Variants in MAP2 observed in about 807,000 individuals in gnomAD.
MAP2 encodes the protein microtubule associated protein 2.
MAP2 carries 14 observed loss-of-function variants against 137.6 expected under a neutral mutation model. The ratio of observed to expected loss-of-function variants is 0.10; its 90% CI spans 0.07 to 0.16. The LOEUF (loss-of-function observed/expected upper bound fraction) is 0.16, where lower values mean the gene tolerates loss of function less well. MAP2 is among the 10% of genes least tolerant of loss of function. The pLI is 1.00. For synonymous variants in MAP2, 786 were observed against 782.3 expected (o/e 1.00, Z -0.08); for missense variants, 2,088 against 2,191.5 (o/e 0.95, Z 0.94).
intron 1 of MAP2, among the ~76,000 whole-genome samples, chr2:209,481,800 A>G (rs1046192951): frequency 2.0e-5 from 3 of 152,116 alleles, no homozygotes; most frequent in African/African-American, 4.8e-5. Context: ...TAGAATTTGG[A>G]TATGTTTTAT....
At chr2:209,502,088 T>G (rs1441327200) in intron 1 of MAP2, among the ~76,000 whole-genome samples, 1 of 152,212 alleles carries the variant, frequency 6.6e-6, no homozygotes, top group African/African-American at 2.4e-5. Context: ...CACACACTTA[T>G]TGTTTTAAAA....
chr2:209,454,471 G>A (rs1441192596), intron 1 of MAP2, among the ~76,000 whole-genome samples: 1 of 151,968 alleles, frequency 6.6e-6, no homozygotes, highest in Non-Finnish European at 1.5e-5. Context: ...GAGTAGCTGG[G>A]ATTAGAGGCA....
chr2:209,517,600 C>A (rs2150350868), intron 2 of MAP2, among the ~76,000 whole-genome samples: 1 of 151,990 alleles, frequency 6.6e-6, no homozygotes, highest in East Asian at 1.9e-4. Context: ...GTAAAGCCCA[C>A]ATTATTGTAG....
At chr2:209,632,298 A>G (rs191797888) in intron 4 of MAP2, among the ~76,000 whole-genome samples, 2 of 152,276 alleles carry the variant, frequency 1.3e-5, no homozygotes, top group Admixed American at 6.5e-5. Flanking sequence ...GCCATGGAGA[A>G]GAGAATAATG....
chr2:209,587,876 G>A (rs917693141), intron 3 of MAP2, among the ~76,000 whole-genome samples: 3 of 152,236 alleles, frequency 2.0e-5, no homozygotes, highest in African/African-American at 7.2e-5. Flanking sequence ...CAGCCAAATA[G>A]GCATGAGCAA....
intron 1 of MAP2, among the ~76,000 whole-genome samples, chr2:209,456,230 T>C (rs1220364331): frequency 6.6e-6 from 1 of 152,190 alleles, no homozygotes; most frequent in African/African-American, 2.4e-5. Flanking sequence ...TTCCAGTGCA[T>C]CCTTAGGAAT....
chr2:209,690,200 T>TTCAGTACA (rs2058437383), intron 7 of MAP2, among the ~76,000 whole-genome samples: 1 of 152,174 alleles, frequency 6.6e-6, no homozygotes, highest in African/African-American at 2.4e-5. Flanking sequence ...GCTTTTTTTT[T>TTCAGTACA]TCAGTACATC....
intron 3 of MAP2, among the ~76,000 whole-genome samples, chr2:209,595,844 C>G (rs553877638): frequency 6.6e-6 from 1 of 152,282 alleles, no homozygotes; most frequent in Middle Eastern, 3.4e-3. Flanking sequence ...TCTGAGCAAA[C>G]TATCACAAAG....
Position 209,641,960 on chromosome 2 carries a change from T to C in MAP2, c.-29-11182T>C, listed in dbSNP as rs559868460. Among the ~76,000 whole-genome samples the C allele has an allele frequency of 8.2e-3, 1,254 of 152,224 alleles. 15 individuals are homozygous for C. Among genetic ancestry groups the C allele is most frequent in the African/African-American group, 0.028 (1,172 of 41,536 alleles). ...ATCTGGAGTGGATTCTCTTTTTAGC[T>C]CTAACCCTATTCCACCAGTCTCACT... On this transcript the variant is annotated intron_variant, in intron 4 of 15. Transcript: ENST00000682079.
chr2:209,434,839 A>ATATATGTTATATATATATGT lies in MAP2; in HGVS notation c.-222+10568_-222+10569insGTTATATATATATGTTATAT, dbSNP rs59153309. On this transcript the variant is annotated intron_variant, in intron 1 of 15. Transcript: ENST00000682079. ...CCTCTCTCTCTCTCTCTCTCTATAT[A>ATATATGTTATATATATATGT]TATATATATGTTATATATATATGTT... Among the ~76,000 whole-genome samples, 250 of 114,976 alleles carry ATATATGTTATATATATATGT rather than the reference A, an allele frequency of 2.2e-3. 6 individuals carry two copies. The highest frequency in any genetic ancestry group is 4.6e-3 in the Middle Eastern group (1 of 218). The allele number at this position is 114,976 out of a possible 152,430, so 75.4% of individuals were successfully genotyped here. A position where few individuals can be genotyped will look rare whatever the true frequency, so the allele number is the denominator to read the frequency against.
intron 1 of MAP2, among the ~76,000 whole-genome samples, chr2:209,440,937 C>A (rs1360808487): frequency 2.6e-5 from 4 of 151,444 alleles, no homozygotes; most frequent in African/African-American, 4.8e-5. Context: ...TAAATAAGTG[C>A]TTATCATATC....
At chr2:209,577,013 C>T (rs2075468886) in intron 2 of MAP2, among the ~76,000 whole-genome samples, 1 of 152,070 alleles carries the variant, frequency 6.6e-6, no homozygotes, top group African/African-American at 2.4e-5. Flanking sequence ...TTTAGACTGA[C>T]CAGGACCCTG....
chr2:209,596,225 A>G (rs769559618), intron 3 of MAP2, among the ~76,000 whole-genome samples: 6 of 152,182 alleles, frequency 3.9e-5, no homozygotes, highest in Admixed American at 3.9e-4. Flanking sequence ...TTTTACTTCA[A>G]CGTACTGGAA....
intron 2 of MAP2, among the ~76,000 whole-genome samples, chr2:209,524,839 A>AT (rs200951925): frequency 1.3e-3 from 199 of 150,870 alleles, no homozygotes; most frequent in African/African-American, 4.5e-3. Flanking sequence ...GTTAATATCA[A>AT]TTTTTTTTTC....
intron 5 of MAP2, among the ~76,000 whole-genome samples, chr2:209,657,020 C>T (rs773458315): frequency 3.9e-5 from 6 of 152,104 alleles, no homozygotes; most frequent in South Asian, 2.1e-4. Context: ...TAAGTGAGAA[C>T]GTATGGTATT....
intron 1 of MAP2, among the ~76,000 whole-genome samples, chr2:209,448,986 C>A (rs1699741025): frequency 6.6e-6 from 1 of 152,140 alleles, no homozygotes; most frequent in Admixed American, 6.5e-5. Context: ...ATGGGGGACT[C>A]TGTAACTAAA....
chr2:209,576,495 C>T (rs530871609), intron 2 of MAP2, among the ~76,000 whole-genome samples: 3 of 152,210 alleles, frequency 2.0e-5, no homozygotes, highest in African/African-American at 7.2e-5. Flanking sequence ...GATCCACCCA[C>T]CTCAGCCTCC....
chr2:209,584,488 T>G (rs530456179), intron 3 of MAP2, among the ~76,000 whole-genome samples: 4 of 152,298 alleles, frequency 2.6e-5, no homozygotes, highest in South Asian at 4.1e-4. Flanking sequence ...AAAATTTCAT[T>G]CAGTTCAACT....
intron 2 of MAP2, among the ~76,000 whole-genome samples, chr2:209,519,976 AG>A (rs946813380): frequency 1.3e-5 from 2 of 152,070 alleles, no homozygotes; most frequent in African/African-American, 4.8e-5. Flanking sequence ...CATATAAAAA[AG>A]GTCTTAAATT....
Sources: allele counts gnomAD v4.1 joint callset (sites outside exome capture counted in the v4.1 genomes callset), GRCh38; gene constraint gnomAD v4.1.1; transcripts MANE v1.5; gene names NCBI Gene and HGNC (gene_info 2026-07-23, HGNC 2026-07-21).